Variants in PARD3 observed in about 807,000 individuals in gnomAD.
PARD3 encodes par-3 family cell polarity regulator.
Under a neutral mutation model 155.4 loss-of-function variants are expected in PARD3, and 75 were observed. The ratio of observed to expected loss-of-function variants is 0.48; its 90% CI spans 0.40 to 0.58. The LOEUF (loss-of-function observed/expected upper bound fraction) is 0.58. Among genes scored for constraint, PARD3 ranks in the 20% least tolerant of loss-of-function variants. The pLI is 0.00. For synonymous variants in PARD3, 576 were observed against 610.5 expected (o/e 0.94, Z 0.83); for missense variants, 1,642 against 1,721.7 (o/e 0.95, Z 0.82).
rs533716218 is a variant in PARD3 at position 34,765,917 on chromosome 10, A to C, written c.120+48959T>G. 2.0e-5 allele frequency among the ~76,000 whole-genome samples: 3 copies of C among 152,300 alleles called. No individual in the cohort carries two copies. The South Asian group carries it at 6.2e-4, about 32-fold the overall frequency. ...TTATTACACACACACCCCATTCCAC[A>C]GATGAGGAAACTGAGGTACTGCAAT... On this transcript the variant is annotated intron_variant, in intron 1 of 24. Coordinates refer to ENST00000374788, the MANE Select transcript of PARD3 (RefSeq NM_001184785.2).
chr10:34,750,510 C>CAT (rs1835888844), intron 1 of PARD3, among the ~76,000 whole-genome samples: 1 of 139,660 alleles, frequency 7.2e-6, no homozygotes, highest in African/African-American at 2.6e-5. Context: ...CACACACACA[C>CAT]CCTAAGACTA....
chr10:34,775,944 G>A (rs1333920881), intron 1 of PARD3, among the ~76,000 whole-genome samples: 6 of 152,098 alleles, frequency 3.9e-5, no homozygotes, highest in Non-Finnish European at 8.8e-5. Context: ...GTAATATATG[G>A]CCAGGCATGG....
intron 20 of PARD3, among the ~76,000 whole-genome samples, chr10:34,315,229 G>C (rs1957938327): frequency 6.6e-6 from 1 of 152,168 alleles, no homozygotes; most frequent in Admixed American, 6.5e-5. Flanking sequence ...GAGTTGTGTG[G>C]TGGTGTTCTT....
chr10:34,477,019 T>C (rs2078755637), intron 3 of PARD3, among the ~76,000 whole-genome samples: 1 of 152,216 alleles, frequency 6.6e-6, no homozygotes, highest in African/African-American at 2.4e-5. Context: ...TAATATAACA[T>C]TGCATAAAGA....
chr10:34,424,151 T>C (rs1473527679), intron 5 of PARD3, among the ~76,000 whole-genome samples: 1 of 152,178 alleles, frequency 6.6e-6, no homozygotes, highest in African/African-American at 2.4e-5. Context: ...AAAGAGCAGC[T>C]AAAAATTGAT....
At chr10:34,464,690 T>C (rs144005445) in intron 4 of PARD3, among the ~76,000 whole-genome samples, 49 of 152,226 alleles carry the variant, frequency 3.2e-4, no homozygotes, top group Admixed American at 1.0e-3. Context: ...ACACATAATA[T>C]AACATTATGT....
At chr10:34,174,028 AG>A (rs1458696717) in intron 22 of PARD3, among the ~76,000 whole-genome samples, 3 of 152,196 alleles carry the variant, frequency 2.0e-5, no homozygotes, top group African/African-American at 7.2e-5. Flanking sequence ...TCCTCATATC[AG>A]CATGTTACAT....
At chr10:34,551,417 C>CAT (rs960865280) in intron 2 of PARD3, among the ~76,000 whole-genome samples, 10 of 152,144 alleles carry the variant, frequency 6.6e-5, no homozygotes, top group African/African-American at 1.9e-4. Flanking sequence ...TGAGTCCATC[C>CAT]ACTCACTCAA....
chr10:34,805,542 C>CATAGAT (rs1843261926), intron 1 of PARD3, among the ~76,000 whole-genome samples: 2 of 140,748 alleles, frequency 1.4e-5, no homozygotes. Flanking sequence ...CACGTATGTG[C>CATAGAT]ATATATATAT....
chr10:34,658,225 A>G (rs986720196), intron 2 of PARD3, among the ~76,000 whole-genome samples: 1 of 152,196 alleles, frequency 6.6e-6, no homozygotes, highest in Non-Finnish European at 1.5e-5. Context: ...CCTTTTGGTA[A>G]AGATGTAAAA....
At chr10:34,677,168 A>G (rs1384469543) in intron 2 of PARD3, among the ~76,000 whole-genome samples, 1 of 152,156 alleles carries the variant, frequency 6.6e-6, no homozygotes, top group Non-Finnish European at 1.5e-5. Flanking sequence ...GTGTTGTCCA[A>G]TAAGGAAAAT....
At chr10:34,251,573 C>T (rs558912695) in intron 22 of PARD3, among the ~76,000 whole-genome samples, 1 of 152,318 alleles carries the variant, frequency 6.6e-6, no homozygotes, top group South Asian at 2.1e-4. Context: ...AGAGCCTGTG[C>T]TCTTAAAAAT....
chr10:34,225,326 C>A (rs1185975579), intron 22 of PARD3, among the ~76,000 whole-genome samples: 3 of 151,320 alleles, frequency 2.0e-5, no homozygotes, highest in South Asian at 2.1e-4. Context: ...GTTCACCAGG[C>A]AGACTGGACT....
At chr10:34,492,452 T>C (rs955394367) in intron 3 of PARD3, among the ~76,000 whole-genome samples, 4 of 152,224 alleles carry the variant, frequency 2.6e-5, no homozygotes, top group Admixed American at 2.6e-4. Flanking sequence ...CTTCTGTCCC[T>C]AACAGCTTTT....
At chr10:34,608,625 C>A (rs1007463364) in intron 2 of PARD3, among the ~76,000 whole-genome samples, 2 of 150,912 alleles carry the variant, frequency 1.3e-5, no homozygotes, top group African/African-American at 4.9e-5. Context: ...ACCTCCACCT[C>A]CCAGGTTCAA....
At chr10:34,173,459 T>A (rs894322731) in intron 22 of PARD3, among the ~76,000 whole-genome samples, 1 of 152,214 alleles carries the variant, frequency 6.6e-6, no homozygotes, top group Non-Finnish European at 1.5e-5. Context: ...CATGTAATAC[T>A]TATCCACAGG....
chr10:34,226,895 T>C (rs370034992), intron 22 of PARD3, among the ~76,000 whole-genome samples: 1 of 152,202 alleles, frequency 6.6e-6, no homozygotes, highest in East Asian at 1.9e-4. Flanking sequence ...ACTATTGATA[T>C]ATACAACAGC....
intron 1 of PARD3, among the ~76,000 whole-genome samples, chr10:34,791,221 G>A (rs1159458299): frequency 2.6e-5 from 4 of 152,120 alleles, no homozygotes; most frequent in Admixed American, 1.3e-4. Flanking sequence ...CGTCACCAAC[G>A]AGCAGCAGCT....
intron 22 of PARD3, among the ~76,000 whole-genome samples, chr10:34,193,992 TGCA>T (rs2133283481): frequency 6.6e-6 from 1 of 152,274 alleles, no homozygotes; most frequent in African/African-American, 2.4e-5. Context: ...CTGCAAGGAC[TGCA>T]GAAGAAGCAA....
Sources: allele counts gnomAD v4.1 joint callset (sites outside exome capture counted in the v4.1 genomes callset), GRCh38; gene constraint gnomAD v4.1.1; transcripts MANE v1.5; gene names NCBI Gene and HGNC (gene_info 2026-07-23, HGNC 2026-07-21).